Variants in CTNND2 observed in about 807,000 individuals in gnomAD.
The protein encoded by CTNND2 is catenin delta-2.
CTNND2 carries 22 observed loss-of-function variants against 144.4 expected under a neutral mutation model. The ratio of observed to expected loss-of-function variants is 0.15; its 90% CI spans 0.11 to 0.22. The LOEUF is 0.22. Ranked by LOEUF, CTNND2 falls within the 10% of genes least tolerant of loss-of-function variation. The pLI is 1.00. For missense variants in CTNND2, 1,353 were observed against 1,618.8 expected (o/e 0.84, Z 2.82); for synonymous variants, 751 against 695.6 (o/e 1.08, Z -1.25).
chr5:11,206,047 T>C (rs1027782854), intron 10 of CTNND2, among the ~76,000 whole-genome samples: 1 of 152,236 alleles, frequency 6.6e-6, no homozygotes, highest in Non-Finnish European at 1.5e-5. Flanking sequence ...GTAAACATTA[T>C]GTGTCACAGA....
intron 1 of CTNND2, among the ~76,000 whole-genome samples, chr5:11,782,064 T>A (rs1197445052): frequency 6.6e-6 from 1 of 152,160 alleles, no homozygotes; most frequent in Non-Finnish European, 1.5e-5. Flanking sequence ...CTTGTGATAG[T>A]CACATGAGAG....
chr5:11,585,905 C>T (rs1191658774), intron 2 of CTNND2, among the ~76,000 whole-genome samples: 1 of 151,954 alleles, frequency 6.6e-6, no homozygotes, highest in East Asian at 1.9e-4. Context: ...ATGCAGAATC[C>T]AAGTTCTAGG....
chr5:11,895,249 C>T (rs1211217705), intron 1 of CTNND2, among the ~76,000 whole-genome samples: 1 of 152,136 alleles, frequency 6.6e-6, no homozygotes, highest in African/African-American at 2.4e-5. Context: ...TGCGTTTATG[C>T]TTCATGTGGG....
At chr5:11,280,732 A>G (rs1323974334) in intron 9 of CTNND2, among the ~76,000 whole-genome samples, 1 of 152,100 alleles carries the variant, frequency 6.6e-6, no homozygotes, top group Admixed American at 6.5e-5. Flanking sequence ...TCTTACACAC[A>G]CACTTGGCAA....
chr5:11,404,646 C>CT (rs2149827562), intron 5 of CTNND2, among the ~76,000 whole-genome samples: 1 of 94,268 alleles, frequency 1.1e-5, no homozygotes, highest in East Asian at 3.7e-4. Context: ...TAGACAAAGT[C>CT]TGGCTCTATT....
chr5:11,719,550 G>T (rs1282028620), intron 2 of CTNND2, among the ~76,000 whole-genome samples: 1 of 151,882 alleles, frequency 6.6e-6, no homozygotes, highest in East Asian at 1.9e-4. Context: ...TTCTTAGCAG[G>T]AACAACAACA....
At chr5:11,229,716 A>G (rs1740786575) in intron 10 of CTNND2, among the ~76,000 whole-genome samples, 1 of 151,810 alleles carries the variant, frequency 6.6e-6, no homozygotes, top group Non-Finnish European at 1.5e-5. Flanking sequence ...ATACATATAT[A>G]TACAACTGTG....
At chr5:11,432,234 A>G (rs1423142085) in intron 3 of CTNND2, among the ~76,000 whole-genome samples, 1 of 151,474 alleles carries the variant, frequency 6.6e-6, no homozygotes, top group South Asian at 2.1e-4. Context: ...GGCAACACAG[A>G]AAGTGTTGCA....
At chr5:11,598,160 C>T (rs533594379) in intron 2 of CTNND2, among the ~76,000 whole-genome samples, 99 of 152,182 alleles carry the variant, frequency 6.5e-4, no homozygotes, top group African/African-American at 2.4e-3. Flanking sequence ...AATAATTTGT[C>T]CAAAATCATG....
intron 3 of CTNND2, among the ~76,000 whole-genome samples, chr5:11,443,816 G>A (rs1764557000): frequency 6.6e-6 from 1 of 152,144 alleles, no homozygotes; most frequent in Admixed American, 6.5e-5. Flanking sequence ...AACACTCAGT[G>A]AGTTTCAGGT....
At chr5:11,190,544 C>T (rs1312726577) in intron 11 of CTNND2, among the ~76,000 whole-genome samples, 1 of 152,206 alleles carries the variant, frequency 6.6e-6, no homozygotes, top group African/African-American at 2.4e-5. Flanking sequence ...CCAACCCAAC[C>T]CCTAGCAGTA....
chr5:11,139,576 CTGTT>C (rs1204238036), intron 12 of CTNND2, among the ~76,000 whole-genome samples: 1 of 152,194 alleles, frequency 6.6e-6, no homozygotes, highest in African/African-American at 2.4e-5. Context: ...CATTTTCTCT[CTGTT>C]TGCTGCTAGA....
chr5:11,001,212 T>C (rs1397311042), intron 18 of CTNND2, among the ~76,000 whole-genome samples: 1 of 152,192 alleles, frequency 6.6e-6, no homozygotes, highest in African/African-American at 2.4e-5. Context: ...TTTTTCTACC[T>C]GTTAAATCTT....
intron 12 of CTNND2, among the ~76,000 whole-genome samples, chr5:11,149,439 G>T (rs1487609433): frequency 6.6e-6 from 1 of 152,176 alleles, no homozygotes; most frequent in Non-Finnish European, 1.5e-5. Flanking sequence ...TCATCAGCTG[G>T]CCTCTCCCTG....
chr5:11,039,801 C>T (rs771481427), intron 16 of CTNND2, among the ~76,000 whole-genome samples: 13 of 152,158 alleles, frequency 8.5e-5, no homozygotes, highest in Non-Finnish European at 1.2e-4. Flanking sequence ...GTAGCTCACA[C>T]CTGTAATCCC....
intron 2 of CTNND2, among the ~76,000 whole-genome samples, chr5:11,692,667 T>C (rs962758696): frequency 2.6e-5 from 4 of 152,260 alleles, no homozygotes; most frequent in African/African-American, 9.6e-5. Context: ...AGTGGCACGA[T>C]CTCAGTTCAC....
At chr5:11,491,680 G>A (rs1298693505) in intron 3 of CTNND2, among the ~76,000 whole-genome samples, 1 of 152,174 alleles carries the variant, frequency 6.6e-6, no homozygotes, top group African/African-American at 2.4e-5. Flanking sequence ...GCTCATGCCC[G>A]TCATCACAGT....
At chr5:11,491,854 CA>C (rs1276432682) in intron 3 of CTNND2, among the ~76,000 whole-genome samples, 6 of 152,174 alleles carry the variant, frequency 3.9e-5, no homozygotes, top group African/African-American at 1.4e-4. Context: ...TCCAGTGACT[CA>C]GCAACTACTT....
intron 20 of CTNND2, among the ~76,000 whole-genome samples, chr5:10,985,817 C>T (rs1275801229): frequency 2.0e-5 from 3 of 152,144 alleles, no homozygotes; most frequent in Non-Finnish European, 2.9e-5. Flanking sequence ...AACTCAATAT[C>T]CCCATCAATA....
Sources: gnomAD v4.1 joint callset for allele counts (sites outside exome capture counted in the v4.1 genomes callset) on GRCh38, gnomAD v4.1.1 for gene constraint, MANE v1.5 for transcripts, NCBI Gene and HGNC (gene_info 2026-07-23, HGNC 2026-07-21) for gene names.